CALN1: variants seen among roughly 807,000 people sequenced by gnomAD.
CALN1 encodes the protein calcium-binding protein 8.
A neutral mutation model predicts 30.6 loss-of-function variants in CALN1; 17 were observed. The observed-to-expected ratio is 0.56, with a 90% CI of 0.38 to 0.83. The LOEUF is 0.83. CALN1 is among the 40% of genes least tolerant of loss of function. The pLI, the probability that CALN1 is intolerant of heterozygous loss-of-function variation, is 0.00. For synonymous variants in CALN1, 156 were observed against 131.4 expected, an observed-to-expected ratio of 1.19 and a Z score of -1.28; for missense variants, 291 against 354.9, an observed-to-expected ratio of 0.82 and a Z score of 1.45.
intron 4 of CALN1, among the ~76,000 whole-genome samples, chr7:72,042,735 C>T (rs1486645705): frequency 1.3e-5 from 2 of 152,094 alleles, no homozygotes; most frequent in African/African-American, 4.8e-5. Flanking sequence ...GACTTTACCA[C>T]TTAAAAATAA....
chr7:72,389,461 GA>G (rs1008080649), intron 2 of CALN1, among the ~76,000 whole-genome samples: 12 of 152,160 alleles, frequency 7.9e-5, no homozygotes, highest in Admixed American at 7.2e-4. Flanking sequence ...TTTACACTAG[GA>G]AAAGAATTCA....
chr7:71,950,771 C>G (rs1796649961), intron 5 of CALN1, among the ~76,000 whole-genome samples: 1 of 152,228 alleles, frequency 6.6e-6, no homozygotes, highest in South Asian at 2.1e-4. Flanking sequence ...TGGCACCAGC[C>G]AGTCTCCCTC....
chr7:72,384,153 G>T (rs984509859), intron 2 of CALN1, among the ~76,000 whole-genome samples: 1 of 152,184 alleles, frequency 6.6e-6, no homozygotes, highest in Non-Finnish European at 1.5e-5. Context: ...ACTGGCAGGG[G>T]ACATTTTTGC....
intron 5 of CALN1, among the ~76,000 whole-genome samples, chr7:71,862,930 T>A (rs539182767): frequency 2.7e-4 from 41 of 152,284 alleles, no homozygotes; most frequent in Admixed American, 1.4e-3. Context: ...GTTAGTTGAA[T>A]GTGGCTTGAA....
intron 3 of CALN1, among the ~76,000 whole-genome samples, chr7:72,261,735 G>T (rs1796285438): frequency 6.6e-6 from 1 of 152,036 alleles, no homozygotes; most frequent in Non-Finnish European, 1.5e-5. Context: ...GCTTATTTTA[G>T]CAGCTTTACA....
chr7:72,121,259 T>C (rs1248412530), intron 3 of CALN1, among the ~76,000 whole-genome samples: 2 of 137,656 alleles, frequency 1.5e-5, no homozygotes, highest in African/African-American at 5.3e-5. Flanking sequence ...TACATATCTA[T>C]TATATATCTA....
the CALN1 span, among the ~76,000 whole-genome samples, chr7:72,475,096 T>G: frequency 6.6e-6 from 1 of 152,196 alleles, no homozygotes; most frequent in South Asian, 2.1e-4. Flanking sequence ...TCCTGAATCA[T>G]GTATGGGTCT....
intron 5 of CALN1, among the ~76,000 whole-genome samples, chr7:72,022,027 G>A (rs80138835): frequency 0.033 from 5,057 of 152,138 alleles, 264 homozygotes; most frequent in African/African-American, 0.12. Flanking sequence ...CCCTTCAAAC[G>A]GTATCTTAGT....
At chr7:71,985,129 A>G (rs1368945825) in intron 5 of CALN1, among the ~76,000 whole-genome samples, 5 of 150,948 alleles carry the variant, frequency 3.3e-5, no homozygotes, top group South Asian at 2.1e-4. Flanking sequence ...CCTGGCAAAG[A>G]CGATGAACAG....
intron 3 of CALN1, among the ~76,000 whole-genome samples, chr7:72,204,804 T>G (rs1165400663): frequency 6.6e-6 from 1 of 152,166 alleles, no homozygotes; most frequent in Non-Finnish European, 1.5e-5. Context: ...AGAATGAGCA[T>G]CCTTCTACAT....
At chr7:71,811,676 CTTTTTTTTT>C (rs59136685) in intron 5 of CALN1, among the ~76,000 whole-genome samples, 52,787 of 139,932 alleles carry the variant, frequency 0.38, 10,035 homozygotes, top group East Asian at 0.62. Context: ...TTTCTTTTTT[CTTTTTTTTT>C]TTTTTTTTCC....
chr7:71,821,305 CCGTT>C (rs539735129), intron 5 of CALN1, among the ~76,000 whole-genome samples: 2 of 152,154 alleles, frequency 1.3e-5, no homozygotes, highest in East Asian at 3.9e-4. Context: ...TCATATTAAT[CCGTT>C]TTCATATTCT....
At chr7:72,017,432 C>T (rs753699568) in intron 5 of CALN1, among the ~76,000 whole-genome samples, 1 of 152,110 alleles carries the variant, frequency 6.6e-6, no homozygotes, top group Admixed American at 6.6e-5. Context: ...ACTTTCATCC[C>T]AACCAAATTG....
rs1450673301 is a variant in CALN1 at position 72,218,064 on chromosome 7, G to C, written c.244+60622C>G. Among the ~76,000 whole-genome samples, 9 of 151,056 alleles carry C rather than the reference G, an allele frequency of 6.0e-5. No homozygotes were observed. In the East Asian group the frequency reaches 1.4e-3, roughly 24 times the overall value. On this transcript the variant is annotated intron_variant, in intron 3 of 6. Coordinates refer to ENST00000395275, the MANE Select transcript of CALN1 (RefSeq NM_031468.4). ...TCAACATGTTAGCCAGGATGGTCTT[G>C]ATCTCCTGACCTCGTGATCCGCCCT...
At chr7:71,862,310 T>G (rs1791334992) in intron 5 of CALN1, among the ~76,000 whole-genome samples, 1 of 152,206 alleles carries the variant, frequency 6.6e-6, no homozygotes, top group Non-Finnish European at 1.5e-5. Context: ...AATCTCATCT[T>G]GAATTGTAGC....
chr7:72,276,227 AG>A (rs1481701599), intron 3 of CALN1, among the ~76,000 whole-genome samples: 8 of 152,184 alleles, frequency 5.3e-5, no homozygotes, highest in African/African-American at 1.4e-4. Context: ...CTGAGCCTGG[AG>A]GATCTACTCA....
At chr7:72,165,078 T>C (rs1031075261) in intron 3 of CALN1, among the ~76,000 whole-genome samples, 3 of 152,224 alleles carry the variant, frequency 2.0e-5, no homozygotes, top group Non-Finnish European at 1.5e-5. Context: ...TGCATTTCAC[T>C]GTTTCTAAAT....
intron 5 of CALN1, among the ~76,000 whole-genome samples, chr7:71,944,532 T>C (rs1796303031): frequency 7.5e-6 from 1 of 134,056 alleles, no homozygotes. Flanking sequence ...AGGCAGAGGT[T>C]GCAGTGAGCC....
At chr7:71,943,408 T>C (rs1278562506) in intron 5 of CALN1, among the ~76,000 whole-genome samples, 1 of 152,170 alleles carries the variant, frequency 6.6e-6, no homozygotes, top group East Asian at 1.9e-4. Context: ...TATCCATGCC[T>C]CTGTTTCCTC....
Sources: allele counts gnomAD v4.1 joint callset (sites outside exome capture counted in the v4.1 genomes callset), GRCh38; gene constraint gnomAD v4.1.1; transcripts MANE v1.5; gene names NCBI Gene and HGNC (gene_info 2026-07-23, HGNC 2026-07-21).